The following DBF4B variants were observed in gnomAD, a reference collection of about 807,000 sequenced individuals.
DBF4B encodes the protein protein DBF4 homolog B.
A neutral mutation model predicts 53.4 loss-of-function variants in DBF4B; 49 were observed. That is an observed-to-expected ratio of 0.92 (90% CI 0.73 to 1.16). The LOEUF is 1.16. DBF4B is among the 50% of genes most tolerant of loss of function. DBF4B has a pLI of 0.00. For missense variants in DBF4B, 692 were observed against 775.0 expected (o/e 0.89, Z 1.27); for synonymous variants, 257 against 288.7 (o/e 0.89, Z 1.11).
chr17:44,735,601 C>T (rs910902327), intron 7 of DBF4B, among the ~76,000 whole-genome samples: 3 of 152,016 alleles, frequency 2.0e-5, no homozygotes, highest in Admixed American at 6.6e-5. Context: ...ACCCTGGAGA[C>T]AAGTTGCAGT....
At chr17:44,736,712 G>T in intron 7 of DBF4B, 118 bp from the exon 8 acceptor site, 2 of 1,067,306 alleles carry the variant, frequency 1.9e-6, no homozygotes, top group Non-Finnish European at 2.9e-6. Context: ...GGTTCTGCAG[G>T]CCTCTCAACA....
intron 2 of DBF4B, among the ~76,000 whole-genome samples, chr17:44,712,451 C>T (rs1296610429): frequency 6.6e-6 from 1 of 151,530 alleles, no homozygotes; most frequent in African/African-American, 2.4e-5. Context: ...ACTACAGGCA[C>T]GTGCCACCAT....
chr17:44,741,466 G>C lies in DBF4B; in HGVS notation c.830+14G>C. 6 of 1,553,806 alleles carry C rather than the reference G, an allele frequency of 3.9e-6. No individual in the cohort carries two copies. The highest frequency in any genetic ancestry group is 5.3e-6 in the Non-Finnish European group (6 of 1,139,174). On this transcript the variant is annotated intron_variant, in intron 10 of 13. Transcript: ENST00000315005. Reference sequence around the variant, plus strand: ...GCACCATACCAGGTGGGTCTTTCTGGTTCCTGAGTACCAAGGGCTGGTTAC... The same window carrying C: ...GCACCATACCAGGTGGGTCTTTCTGCTTCCTGAGTACCAAGGGCTGGTTAC...
intron 3 of DBF4B, among the ~76,000 whole-genome samples, chr17:44,725,800 G>GC (rs2144885151): frequency 6.8e-6 from 1 of 147,350 alleles, no homozygotes; most frequent in African/African-American, 2.5e-5. Context: ...TGATCCTCCC[G>GC]CCTCAGTCTC....
intron 2 of DBF4B, among the ~76,000 whole-genome samples, chr17:44,709,852 C>G (rs572335755): frequency 6.6e-6 from 1 of 151,872 alleles, no homozygotes; most frequent in East Asian, 1.9e-4. Context: ...GCACATGGCA[C>G]TTCCCTCCGT....
At chr17:44,725,128 A>AC (rs1416758003) in intron 3 of DBF4B, among the ~76,000 whole-genome samples, 2 of 151,600 alleles carry the variant, frequency 1.3e-5, no homozygotes, top group Non-Finnish European at 2.9e-5. Context: ...AAAAAAAAAA[A>AC]AAAAAAAAAA....
Position 44,716,562 on chromosome 17 carries a change from C to G in DBF4B, c.83-6318C>G, listed in dbSNP as rs554343384. Among the ~76,000 whole-genome samples, 5 of 152,188 alleles carry G rather than the reference C, an allele frequency of 3.3e-5. No homozygotes were observed. In the East Asian group the frequency reaches 9.6e-4, roughly 29 times the overall value. On this transcript the variant is annotated intron_variant, in intron 2 of 13. Coordinates refer to ENST00000315005, the MANE Select transcript of DBF4B (RefSeq NM_145663.3). ...GTAATTCTTTGTTTTCTGAGGTTGT[C>G]CTGTGCTTTGTAAGATACTAAGTGG...
chr17:44,738,692 A>G, intron 9 of DBF4B, among the ~76,000 whole-genome samples: 1 of 152,166 alleles, frequency 6.6e-6, no homozygotes, highest in Middle Eastern at 3.2e-3. Flanking sequence ...ACCTCCATTT[A>G]ATACTCTGCT....
chr17:44,752,063 C>G lies in DBF4B; in HGVS notation c.*810C>G. The G allele has an allele frequency of 7.1e-7, 1 of 1,410,896 alleles. No individual in the cohort carries two copies. Among genetic ancestry groups the G allele is most frequent in the East Asian group, 2.5e-5 (1 of 40,098 alleles). 87.4% of individuals were successfully genotyped at this position (1,410,896 alleles called of 1,614,324 possible). A position where few individuals can be genotyped will look rare whatever the true frequency, so the allele number is the denominator to read the frequency against. On this transcript the variant is annotated 3_prime_UTR_variant, in exon 14 of 14. Coordinates refer to ENST00000315005, the MANE Select transcript of DBF4B (RefSeq NM_145663.3). ...TTGCCTCTTCTCGCTGAGCCTTTCA[C>G]TTCTCGGCAGATGTGACCGATTGGT...
Position 44,738,411 on chromosome 17 carries a change from G to A in DBF4B, c.700G>A (p.Glu234Lys), listed in dbSNP as rs758869383. ...ARLKAPFLKI[E>K]DESRKFRPFH... is the part of the protein sequence containing the mutation. ...ACTGAAGGCCCCGTTCCTCAAAATCGAAGATGAAAGCAGGTGAGTGGGACC... is the reference window on the plus strand; with the variant it reads ...ACTGAAGGCCCCGTTCCTCAAAATCAAAGATGAAAGCAGGTGAGTGGGACC... Residue 234 changes from glutamate to lysine, a missense_variant, in exon 9 of 14, where the codon GAA becomes AAA. Glu to Lys is a moderately conservative substitution (Grantham distance 56). Around this residue, in one of 3 missense-constraint regions of DBF4B, gnomAD observed 597 missense variants for 665.8 expected, o/e 0.90. Coordinates refer to ENST00000315005, the MANE Select transcript of DBF4B (RefSeq NM_145663.3). 9.3e-6 allele frequency: 15 copies of A among 1,613,578 alleles called. 1 individual carries two copies. The highest frequency in any genetic ancestry group is 3.3e-5 in the South Asian group (3 of 91,024).
chr17:44,730,559 A>C (rs1409761624), intron 4 of DBF4B, among the ~76,000 whole-genome samples: 1 of 152,184 alleles, frequency 6.6e-6, no homozygotes, highest in Non-Finnish European at 1.5e-5. Flanking sequence ...TTAATATTAA[A>C]ATGTCCATGA....
At chr17:44,745,473 T>TG (rs1976499976) in intron 10 of DBF4B, among the ~76,000 whole-genome samples, 2 of 152,152 alleles carry the variant, frequency 1.3e-5, no homozygotes, top group Admixed American at 6.5e-5. Flanking sequence ...ACAATCATGA[T>TG]GGAAGGCAAA....
Position 44,751,988 on chromosome 17 carries a change from C to T in DBF4B, c.*735C>T, listed in dbSNP as rs1363160612. The T allele has an allele frequency of 2.0e-6, 3 of 1,535,850 alleles. No individual in the cohort carries two copies. Among genetic ancestry groups the T allele is most frequent in the South Asian group, 2.4e-5 (2 of 84,052 alleles). On this transcript the variant is annotated 3_prime_UTR_variant, in exon 14 of 14. Transcript: ENST00000315005. ...AGTCAGCTCCGAGACACCTGAAGAGCCCTCCAGCCCTAACTACTTTACTCA... is the reference window on the plus strand; with the variant it reads ...AGTCAGCTCCGAGACACCTGAAGAGTCCTCCAGCCCTAACTACTTTACTCA...
At chr17:44,743,373 A>C (rs1421841779) in intron 10 of DBF4B, among the ~76,000 whole-genome samples, 1 of 152,228 alleles carries the variant, frequency 6.6e-6, no homozygotes, top group East Asian at 1.9e-4. Flanking sequence ...TAAAGTTTAA[A>C]AATTTTTAAA....
At position 44,729,962 on chromosome 17, in the gene DBF4B, G is replaced by A; in HGVS notation, c.283G>A (p.Val95Ile). The A allele has an allele frequency of 1.2e-6, 2 of 1,614,106 alleles. No homozygotes were observed. Among genetic ancestry groups the A allele is most frequent in the Non-Finnish European group, 1.7e-6 (2 of 1,180,042 alleles). ...VSYIVSSRREVKAESSGKSHR... is the reference protein window; with the variant it reads ...VSYIVSSRREIKAESSGKSHR... ...TTACATCGTGTCCAGCCGCAGAGAA[G>A]TAAAGGCAGAGAGCAGTGGGAAAAG... The change falls in exon 4 of 14, where the codon GTA becomes ATA. Residue 95 changes from valine to isoleucine, a missense_variant. Physicochemically the swap from Val to Ile is conservative, Grantham distance 29. Coordinates refer to ENST00000315005, the MANE Select transcript of DBF4B (RefSeq NM_145663.3).
intron 3 of DBF4B, among the ~76,000 whole-genome samples, chr17:44,729,069 C>T (rs940696959): frequency 6.6e-6 from 1 of 151,616 alleles, no homozygotes; most frequent in African/African-American, 2.4e-5. Flanking sequence ...GCACTACAGC[C>T]TGGGAGACAA....
chr17:44,745,621 A>T (rs1976516621), intron 10 of DBF4B, among the ~76,000 whole-genome samples: 2 of 152,246 alleles, frequency 1.3e-5, no homozygotes. Flanking sequence ...TGATTCAGTT[A>T]TCTCCACCTG....
At chr17:44,743,217 A>G (rs1976253383) in intron 10 of DBF4B, among the ~76,000 whole-genome samples, 1 of 152,226 alleles carries the variant, frequency 6.6e-6, no homozygotes, top group Non-Finnish European at 1.5e-5. Flanking sequence ...AGATGAAGCA[A>G]TGAAGCTTTG....
At position 44,747,516 on chromosome 17, in the gene DBF4B, G is replaced by A. The variant is rs1445111670; in HGVS notation, c.1064+1G>A. ...TCCCTTTCCAGGCTGGCCTCCCCAG[G>A]TGAGTGCCACGCTGGCAGGCACAAC... On this transcript the variant is annotated splice_donor_variant, in intron 12 of 13. Coordinates refer to ENST00000315005, the MANE Select transcript of DBF4B (RefSeq NM_145663.3). LOFTEE classifies it high-confidence loss of function. The A allele has an allele frequency of 8.7e-6, 14 of 1,613,678 alleles. No individual in the cohort carries two copies. The highest frequency in any genetic ancestry group is 1.2e-5 in the Non-Finnish European group (14 of 1,180,002).
Sources: gnomAD v4.1 joint callset for allele counts (sites outside exome capture counted in the v4.1 genomes callset) on GRCh38, gnomAD v4.1.1 for gene constraint, gnomAD v4.1.1 regional missense constraint, MANE v1.5 for transcripts, NCBI Gene and HGNC (gene_info 2026-07-23, HGNC 2026-07-21) for gene names.